Variants in GRB14 observed in about 807,000 individuals in gnomAD.
GRB14 encodes growth factor receptor bound protein 14.
A neutral mutation model predicts 69.1 loss-of-function variants in GRB14; 38 were observed. The ratio of observed to expected loss-of-function variants is 0.55; its 90% CI spans 0.42 to 0.72. GRB14 has a LOEUF of 0.72. GRB14 is among the 30% of genes least tolerant of loss of function. GRB14 has a pLI of 0.00. For synonymous variants in GRB14, 247 were observed against 241.3 expected (o/e 1.02, Z -0.22); for missense variants, 666 against 666.1 (o/e 1.00, Z 0.00).
rs145534780 is a variant in GRB14, at chr2:164,604,869, A to C, written c.324+14818T>G. On this transcript the variant is annotated intron_variant, in intron 2 of 13. Coordinates refer to ENST00000263915, the MANE Select transcript of GRB14 (RefSeq NM_004490.3). ...GCGAGGGGCCGAGACGGAGAAGAGA[A>C]TGGAGAATGTCTATTCAATGGGTAT... Among the ~76,000 whole-genome samples the C allele has an allele frequency of 1.8e-4, 27 of 152,328 alleles. 1 individual carries two copies. In the East Asian group the frequency reaches 4.2e-3, roughly 24 times the overall value.
chr2:164,609,321 G>T (rs1328771556), intron 2 of GRB14, among the ~76,000 whole-genome samples: 2 of 152,132 alleles, frequency 1.3e-5, no homozygotes, highest in Non-Finnish European at 2.9e-5. Flanking sequence ...CAATTCTGTA[G>T]GGCCAATCCA....
chr2:164,571,171 AT>A (rs1354323126), intron 2 of GRB14, among the ~76,000 whole-genome samples: 1 of 152,310 alleles, frequency 6.6e-6, no homozygotes, highest in Admixed American at 6.5e-5. Context: ...CTGATTCCAA[AT>A]TTAACTTCAG....
At chr2:164,571,274 A>G (rs1292395697) in intron 2 of GRB14, among the ~76,000 whole-genome samples, 1 of 152,232 alleles carries the variant, frequency 6.6e-6, no homozygotes, top group Non-Finnish European at 1.5e-5. Context: ...TGCAAAAATG[A>G]GGATAAAAAA....
chr2:164,518,150 T>C (rs563388283), intron 6 of GRB14, among the ~76,000 whole-genome samples: 12 of 152,296 alleles, frequency 7.9e-5, no homozygotes, highest in African/African-American at 1.9e-4. Flanking sequence ...TTTTTAAAAA[T>C]TGAAATTATT....
chr2:164,599,058 G>A (rs1236064287), intron 2 of GRB14, among the ~76,000 whole-genome samples: 1 of 152,224 alleles, frequency 6.6e-6, no homozygotes, highest in African/African-American at 2.4e-5. Context: ...CGCAGCTGGT[G>A]TAGGAGCTAG....
intron 5 of GRB14, 113 bp downstream of exon 5, chr2:164,524,891 T>G: frequency 1.7e-6 from 1 of 600,144 alleles, no homozygotes; most frequent in Non-Finnish European, 2.8e-6. Context: ...GCAAAAAATA[T>G]TAATAATAAT....
chr2:164,511,109 C>T (rs1301631620), intron 6 of GRB14, among the ~76,000 whole-genome samples: 1 of 152,162 alleles, frequency 6.6e-6, no homozygotes, highest in Admixed American at 6.5e-5. Context: ...AGTTGGAACT[C>T]GAGTTCTGGC....
intron 2 of GRB14, among the ~76,000 whole-genome samples, chr2:164,549,467 C>T (rs1224370420): frequency 1.3e-5 from 2 of 152,090 alleles, no homozygotes; most frequent in African/African-American, 2.4e-5. Context: ...CTACTTTGTC[C>T]GACAACTTTC....
intron 2 of GRB14, chr2:164,568,379 C>T (rs1338902042): frequency 5.4e-5 from 70 of 1,287,376 alleles, no homozygotes; most frequent in Non-Finnish European, 7.0e-5. Flanking sequence ...CAAACTCATG[C>T]CTGCTCTTCT....
At chr2:164,583,592 C>T (rs1461723049) in intron 2 of GRB14, among the ~76,000 whole-genome samples, 1 of 150,422 alleles carries the variant, frequency 6.6e-6, no homozygotes, top group African/African-American at 2.4e-5. Flanking sequence ...GAGTAACTAC[C>T]AAAAAAAATC....
chr2:164,620,949 C>G (rs1182614499), intron 1 of GRB14, among the ~76,000 whole-genome samples, 170 bp downstream of exon 1: 1 of 152,180 alleles, frequency 6.6e-6, no homozygotes. Context: ...GCTGTGAGAT[C>G]GCAATGTCCT....
At chr2:164,511,812 G>GCTC (rs1687345768) in intron 6 of GRB14, among the ~76,000 whole-genome samples, 5 of 152,110 alleles carry the variant, frequency 3.3e-5, no homozygotes, top group African/African-American at 7.2e-5. Flanking sequence ...CAGATGGATA[G>GCTC]AGCACCAGGA....
At chr2:164,606,743 A>G (rs1408739149) in intron 2 of GRB14, among the ~76,000 whole-genome samples, 1 of 152,158 alleles carries the variant, frequency 6.6e-6, no homozygotes, top group African/African-American at 2.4e-5. Flanking sequence ...CAGTAAGACT[A>G]CTGTAATATA....
chr2:164,514,347 AG>A (rs1164951911), intron 6 of GRB14, among the ~76,000 whole-genome samples: 1 of 152,196 alleles, frequency 6.6e-6, no homozygotes, highest in Non-Finnish European at 1.5e-5. Flanking sequence ...TTGCTGCTTC[AG>A]GGCCCCCAGA....
chr2:164,506,756 G>C (rs1272282799), intron 8 of GRB14, among the ~76,000 whole-genome samples: 1 of 152,004 alleles, frequency 6.6e-6, no homozygotes, highest in African/African-American at 2.4e-5. Context: ...CATATAGATA[G>C]ATATAGAGAG....
rs139043031 is a variant in GRB14 at position 164,525,375 on chromosome 2, A to C, written c.604-297T>G. ...GACAATGTGCTTGCTCCCACATCTTATTCCTGAGTCCCGCAACCAGCCTAT... is the reference window on the plus strand; with the variant it reads ...GACAATGTGCTTGCTCCCACATCTTCTTCCTGAGTCCCGCAACCAGCCTAT... On this transcript the variant is annotated intron_variant, in intron 4 of 13. Transcript: ENST00000263915. Among the ~76,000 whole-genome samples, 191 of 152,184 alleles carry C rather than the reference A, an allele frequency of 1.3e-3. 6 individuals carry two copies. In the East Asian group the frequency reaches 0.034, roughly 27 times the overall value.
intron 2 of GRB14, among the ~76,000 whole-genome samples, chr2:164,565,867 T>G (rs374137290): frequency 5.3e-5 from 8 of 152,264 alleles, no homozygotes; most frequent in African/African-American, 1.9e-4. Context: ...ACAAAATAGA[T>G]CTATACCACA....
At chr2:164,516,610 A>G (rs1281857632) in intron 6 of GRB14, among the ~76,000 whole-genome samples, 1 of 152,154 alleles carries the variant, frequency 6.6e-6, no homozygotes, top group Non-Finnish European at 1.5e-5. Context: ...ATCAGCCAAA[A>G]ATTTTGTATC....
chr2:164,607,589 A>T (rs1201155476), intron 2 of GRB14, among the ~76,000 whole-genome samples: 2 of 152,340 alleles, frequency 1.3e-5, no homozygotes, highest in Non-Finnish European at 2.9e-5. Flanking sequence ...AATCTTTAAT[A>T]ATCTGTTAAC....
Sources: gnomAD v4.1 joint callset for allele counts (sites outside exome capture counted in the v4.1 genomes callset) on GRCh38, gnomAD v4.1.1 for gene constraint, MANE v1.5 for transcripts, NCBI Gene and HGNC (gene_info 2026-07-23, HGNC 2026-07-21) for gene names.